COL4A1: variants seen among roughly 807,000 people sequenced by gnomAD.
The protein encoded by COL4A1 is collagen alpha-1(IV) chain.
A neutral mutation model predicts 216.6 loss-of-function variants in COL4A1; 40 were observed. That is an observed-to-expected ratio of 0.18 (90% CI 0.14 to 0.24). The LOEUF is 0.24. Ranked by LOEUF, COL4A1 falls within the 10% of genes least tolerant of loss-of-function variation. The pLI is 1.00. For synonymous variants in COL4A1, 839 were observed against 810.7 expected (o/e 1.03, Z -0.59); for missense variants, 1,628 against 2,196.8 (o/e 0.74, Z 5.18).
intron 1 of COL4A1, among the ~76,000 whole-genome samples, chr13:110,284,898 G>A (rs1883775744): frequency 6.6e-6 from 1 of 152,194 alleles, no homozygotes; most frequent in Non-Finnish European, 1.5e-5. Context: ...ATGTGCTGTG[G>A]CCAGGAAGAT....
chr13:110,296,727 C>A (rs1884291703), intron 1 of COL4A1, among the ~76,000 whole-genome samples: 1 of 152,228 alleles, frequency 6.6e-6, no homozygotes, highest in Non-Finnish European at 1.5e-5. Context: ...GATTGCCCCA[C>A]TTCAGACCCC....
intron 1 of COL4A1, among the ~76,000 whole-genome samples, chr13:110,291,500 A>C (rs1298098268): frequency 6.6e-6 from 1 of 152,076 alleles, no homozygotes; most frequent in Non-Finnish European, 1.5e-5. Context: ...ATCAGACCAC[A>C]AGTCAGCCCT....
chr13:110,296,715 A>G (rs939135096), intron 1 of COL4A1, among the ~76,000 whole-genome samples: 1 of 152,194 alleles, frequency 6.6e-6, no homozygotes, highest in Non-Finnish European at 1.5e-5. Flanking sequence ...TCAGTCCCAC[A>G]AGATTGCCCC....
At chr13:110,259,131 GT>G (rs938228730) in intron 1 of COL4A1, among the ~76,000 whole-genome samples, 7 of 152,282 alleles carry the variant, frequency 4.6e-5, no homozygotes, top group Admixed American at 4.6e-4. Flanking sequence ...ACACTCAATG[GT>G]TTTTTCCATC....
rs147322861 is a variant in COL4A1, at chr13:110,206,683, G to C, written c.840C>G (p.Pro280=). The change falls in exon 15 of 52, where the codon CCC becomes CCG. Residue 280 remains proline, a synonymous_variant. Transcript: ENST00000375820. ...CACTTACTCTGGGTCCTGGTTTTCC[G>C]GGTTCACCTTTCTCTCCGACCCCTG... The part of the protein sequence containing the change: ...GMPGVGEKGE[P]GKPGPRGKPG... The C allele has an allele frequency of 1.2e-6, 2 of 1,613,990 alleles. No homozygotes were observed. Among genetic ancestry groups the C allele is most frequent in the Admixed American group, 3.3e-5 (2 of 60,008 alleles).
chr13:110,235,175 CATT>C (rs1254162693), intron 2 of COL4A1, among the ~76,000 whole-genome samples: 1 of 152,066 alleles, frequency 6.6e-6, no homozygotes, highest in Non-Finnish European at 1.5e-5. Flanking sequence ...AATAACTCAC[CATT>C]ATTAGTTCAA....
chr13:110,292,428 A>G (rs150319273), intron 1 of COL4A1, among the ~76,000 whole-genome samples: 3 of 152,308 alleles, frequency 2.0e-5, no homozygotes, highest in African/African-American at 4.8e-5. Context: ...AACTTTTCAT[A>G]TATTTCCAAT....
intron 43 of COL4A1, 143 bp downstream of exon 43, chr13:110,169,486 T>A: frequency 7.8e-7 from 1 of 1,280,900 alleles, no homozygotes; most frequent in Non-Finnish European, 1.0e-6. Context: ...TTAGTGGGGA[T>A]GTGGGAGTGT....
Position 110,164,966 on chromosome 13 carries a change from G to T in COL4A1, c.4046C>A (p.Pro1349Gln), listed in dbSNP as rs775634152. The T allele has an allele frequency of 6.2e-7, 1 of 1,604,864 alleles. No individual in the cohort carries two copies. The highest frequency in any genetic ancestry group is 2.2e-5 in the East Asian group (1 of 44,572). Reference protein sequence around the residue: ...AKGLPGPPGPPGPYDIIKGEP... With the variant: ...AKGLPGPPGPQGPYDIIKGEP... ...CCCTTTGATGATGTCGTAAGGACCT[G>T]GGGGGCCAGGAGGACCCGGGAGACC... Residue 1349 changes from proline to glutamine, a missense_variant, in exon 46 of 52, where the codon CCA becomes CAA. By Grantham distance (76) the Pro-to-Gln change is moderately conservative. Coordinates refer to ENST00000375820, the MANE Select transcript of COL4A1 (RefSeq NM_001845.6).
Position 110,201,463 on chromosome 13 carries a change from C to A in COL4A1, c.1059G>T (p.Gly353=). The change falls in exon 19 of 52, where the codon GGG becomes GGT. Residue 353 remains glycine, a synonymous_variant. Transcript: ENST00000375820. ...KGERGYPGTP[G]PRGEPGPKGF... ...CTTTTGGGCCTGGCTCTCCTCTTGGCCCCGGAGTTCCAGGGTAGCCCCTCT... is the reference window on the plus strand; with the variant it reads ...CTTTTGGGCCTGGCTCTCCTCTTGGACCCGGAGTTCCAGGGTAGCCCCTCT... 6.2e-7 allele frequency: 1 copy of A among 1,613,944 alleles called. No homozygotes were observed. The highest frequency in any genetic ancestry group is 8.5e-7 in the Non-Finnish European group (1 of 1,179,994).
intron 2 of COL4A1, among the ~76,000 whole-genome samples, chr13:110,234,105 G>A (rs921555651): frequency 1.3e-5 from 2 of 152,196 alleles, no homozygotes; most frequent in Non-Finnish European, 2.9e-5. Context: ...TTGCTTAAGT[G>A]CTCTTATGTA....
At chr13:110,242,392 C>A (rs1258397918) in intron 2 of COL4A1, among the ~76,000 whole-genome samples, 4 of 152,134 alleles carry the variant, frequency 2.6e-5, no homozygotes, top group African/African-American at 9.7e-5. Flanking sequence ...ACGATAGATT[C>A]AACAGATTTT....
intron 1 of COL4A1, among the ~76,000 whole-genome samples, chr13:110,245,638 C>T (rs555955889): frequency 3.3e-5 from 5 of 152,198 alleles, no homozygotes. Context: ...GAAGCTTTAT[C>T]TTTCTGCAAT....
chr13:110,288,057 C>A (rs1010517818), intron 1 of COL4A1, among the ~76,000 whole-genome samples: 1 of 151,434 alleles, frequency 6.6e-6, no homozygotes, highest in Non-Finnish European at 1.5e-5. Context: ...GAGTTTGAAA[C>A]CAGCCTGACC....
chr13:110,246,882 C>T (rs1333745492), intron 1 of COL4A1, among the ~76,000 whole-genome samples: 5 of 152,102 alleles, frequency 3.3e-5, no homozygotes, highest in African/African-American at 9.7e-5. Flanking sequence ...ACACACTTAA[C>T]CCGAGTGGTC....
intron 20 of COL4A1, among the ~76,000 whole-genome samples, chr13:110,199,208 G>T (rs1352039370): frequency 6.6e-6 from 1 of 152,262 alleles, no homozygotes; most frequent in African/African-American, 2.4e-5. Flanking sequence ...GCTTGAGAGA[G>T]TGGTGGTGCA....
intron 1 of COL4A1, among the ~76,000 whole-genome samples, chr13:110,279,045 C>T (rs1165222240): frequency 6.6e-6 from 1 of 152,130 alleles, no homozygotes; most frequent in Admixed American, 6.5e-5. Context: ...GTGCTTTGCC[C>T]GGGGTCTTCC....
intron 50 of COL4A1, among the ~76,000 whole-genome samples, chr13:110,153,852 A>G (rs1280880058): frequency 2.0e-5 from 3 of 152,154 alleles, no homozygotes; most frequent in African/African-American, 7.2e-5. Context: ...AGCACAAGAA[A>G]AAACCAGTAG....
intron 36 of COL4A1, 142 bp downstream of exon 36, chr13:110,176,282 G>C (rs1041219107): frequency 1.4e-6 from 1 of 715,684 alleles, no homozygotes; most frequent in South Asian, 1.5e-5. Context: ...AGACCATTCA[G>C]AGCTGGGGAT....
Sources: allele counts gnomAD v4.1 joint callset (sites outside exome capture counted in the v4.1 genomes callset), GRCh38; gene constraint gnomAD v4.1.1; transcripts MANE v1.5; gene names NCBI Gene and HGNC (gene_info 2026-07-23, HGNC 2026-07-21).